CHSY3: variants seen among roughly 807,000 people sequenced by gnomAD.
CHSY3 encodes N-acetylgalactosaminyl-proteoglycan 3-beta-glucuronosyltransferase 3.
CHSY3 carries 35 observed loss-of-function variants against 67.2 expected under a neutral mutation model. The observed-to-expected ratio is 0.52, with a 90% confidence interval of 0.40 to 0.69. The LOEUF (loss-of-function observed/expected upper bound fraction) is 0.69, where lower values mean the gene tolerates loss of function less well. CHSY3 is among the 30% of genes least tolerant of loss of function. The probability of loss-of-function intolerance (pLI) is 0.00; values close to 1 mark genes in which losing one functional copy is unlikely to be tolerated. For synonymous variants in CHSY3, 474 were observed against 434.7 expected, an observed-to-expected ratio of 1.09 and a Z score of -1.12; for missense variants, 1,069 against 1,138.5, an observed-to-expected ratio of 0.94 and a Z score of 0.88.
chr5:129,918,005 T>C (rs1161782061), intron 2 of CHSY3, among the ~76,000 whole-genome samples: 1 of 152,204 alleles, frequency 6.6e-6, no homozygotes, highest in Non-Finnish European at 1.5e-5. Context: ...TTGTTAAAAG[T>C]TAGTTTTGCT....
chr5:129,996,684 A>G (rs1230682582), intron 2 of CHSY3, among the ~76,000 whole-genome samples: 1 of 152,102 alleles, frequency 6.6e-6, no homozygotes, highest in Non-Finnish European at 1.5e-5. Context: ...GAGTGCTTCA[A>G]AGGAGATCTT....
intron 2 of CHSY3, 127 bp downstream of exon 2, chr5:129,908,487 T>C: frequency 7.2e-7 from 1 of 1,380,588 alleles, no homozygotes; most frequent in South Asian, 1.5e-5. Flanking sequence ...GTAGCAGCCC[T>C]TAAGGGATAC....
chr5:130,060,250 A>G (rs1476924669), intron 2 of CHSY3, among the ~76,000 whole-genome samples: 1 of 152,230 alleles, frequency 6.6e-6, no homozygotes, highest in African/African-American at 2.4e-5. Context: ...GGATGCAAGG[A>G]TGGTTCAACA....
intron 2 of CHSY3, among the ~76,000 whole-genome samples, chr5:130,039,637 C>G (rs902434330): frequency 6.6e-6 from 1 of 152,108 alleles, no homozygotes; most frequent in Non-Finnish European, 1.5e-5. Flanking sequence ...GTAGCTGGCA[C>G]TACATGCCAG....
intron 2 of CHSY3, among the ~76,000 whole-genome samples, chr5:130,160,271 C>A (rs978535883): frequency 6.6e-6 from 1 of 152,178 alleles, no homozygotes; most frequent in East Asian, 1.9e-4. Context: ...CCAATACTTG[C>A]CTTACTTAGA....
chr5:130,090,312 A>AT (rs1298928130), intron 2 of CHSY3, among the ~76,000 whole-genome samples: 4 of 152,170 alleles, frequency 2.6e-5, no homozygotes, highest in African/African-American at 9.7e-5. Context: ...CTTGTGAGGT[A>AT]TGGAGAGCCC....
At chr5:130,084,352 T>C (rs924143432) in intron 2 of CHSY3, among the ~76,000 whole-genome samples, 3 of 151,942 alleles carry the variant, frequency 2.0e-5, no homozygotes, top group Non-Finnish European at 4.4e-5. Flanking sequence ...ATATTTAAGG[T>C]GAAAGAAATG....
At chr5:129,943,473 A>G (rs1025734643) in intron 2 of CHSY3, among the ~76,000 whole-genome samples, 10 of 152,236 alleles carry the variant, frequency 6.6e-5, no homozygotes, top group Non-Finnish European at 1.2e-4. Context: ...TAATTTGTAA[A>G]TTAAATATGT....
In CHSY3 at chr5:130,143,780, A is replaced by ATGTGTGTATATATATATATATG. The variant is rs1181042128; in HGVS notation, c.1087-40444_1087-40443insGTATATATATATATATGTGTGT. 8.3e-5 allele frequency among the ~76,000 whole-genome samples: 5 copies of ATGTGTGTATATATATATATATG among 60,408 alleles called. 1 individual carries two copies. Among genetic ancestry groups the ATGTGTGTATATATATATATATG allele is most frequent in the African/African-American group, 4.7e-4 (5 of 10,718 alleles). 39.6% of individuals were successfully genotyped at this position (60,408 alleles called of 152,430 possible). On this transcript the variant is annotated intron_variant, in intron 2 of 2. Coordinates refer to ENST00000305031, the MANE Select transcript of CHSY3 (RefSeq NM_175856.5). ...TATGTGTGTGTGTGTATATATATAT[A>ATGTGTGTATATATATATATATG]TGTGTATATATATATATATATATAT...
At chr5:129,912,021 C>T (rs935773321) in intron 2 of CHSY3, among the ~76,000 whole-genome samples, 1 of 152,118 alleles carries the variant, frequency 6.6e-6, no homozygotes, top group Admixed American at 6.5e-5. Flanking sequence ...GCCCACTGCA[C>T]TCCAGTCTGG....
chr5:130,026,376 A>G (rs1182824436), intron 2 of CHSY3, among the ~76,000 whole-genome samples: 1 of 152,152 alleles, frequency 6.6e-6, no homozygotes, highest in East Asian at 1.9e-4. Context: ...ATAATTAAAT[A>G]CTATAGTAAA....
chr5:130,032,600 C>T (rs1580668056), intron 2 of CHSY3, among the ~76,000 whole-genome samples: 1 of 151,960 alleles, frequency 6.6e-6, no homozygotes, highest in East Asian at 1.9e-4. Context: ...TCTCACCTTC[C>T]CAGGAGTTCT....
intron 2 of CHSY3, among the ~76,000 whole-genome samples, chr5:130,171,961 T>C (rs902445526): frequency 2.0e-5 from 3 of 152,152 alleles, no homozygotes; most frequent in African/African-American, 7.2e-5. Flanking sequence ...AGCCAGAAAG[T>C]CTGAGTGTGC....
chr5:130,024,737 G>C (rs1364965417), intron 2 of CHSY3, among the ~76,000 whole-genome samples: 1 of 152,080 alleles, frequency 6.6e-6, no homozygotes, highest in African/African-American at 2.4e-5. Flanking sequence ...CATTGAAGCA[G>C]CGTTCATAAA....
chr5:130,086,931 C>A (rs1036127806), intron 2 of CHSY3, among the ~76,000 whole-genome samples: 3 of 152,116 alleles, frequency 2.0e-5, no homozygotes, highest in Admixed American at 6.6e-5. Context: ...GAATTTTAGA[C>A]CAATATCCTT....
At chr5:129,981,709 T>A in intron 2 of CHSY3, among the ~76,000 whole-genome samples, 1 of 151,980 alleles carries the variant, frequency 6.6e-6, no homozygotes, top group East Asian at 1.9e-4. Context: ...TATTTTCTTG[T>A]CTTCTTGTCT....
intron 2 of CHSY3, among the ~76,000 whole-genome samples, chr5:130,001,081 T>C (rs1045169005): frequency 2.6e-5 from 4 of 151,452 alleles, no homozygotes; most frequent in African/African-American, 7.3e-5. Context: ...GGGGATTCAC[T>C]GTCTTAGCCA....
chr5:130,178,528 A>G (rs143867666), intron 2 of CHSY3, among the ~76,000 whole-genome samples: 6,166 of 152,026 alleles, frequency 0.041, 345 homozygotes, highest in East Asian at 0.25. Context: ...CTGGGATTAC[A>G]GGCGTGAGCC....
Position 130,178,615 on chromosome 5 carries a change from A to G in CHSY3, c.1087-5614A>G, listed in dbSNP as rs377652135. 1.2e-4 allele frequency among the ~76,000 whole-genome samples: 18 copies of G among 152,036 alleles called. 1 individual carries two copies. Among genetic ancestry groups the G allele is most frequent in the Admixed American group, 6.5e-4 (10 of 15,278 alleles). Reference sequence around the variant, plus strand: ...TTCTGAAGATAGTAATTCATTATACATTTTTTTGTCTTCTTCTACCTGAAT... The same window carrying G: ...TTCTGAAGATAGTAATTCATTATACGTTTTTTTGTCTTCTTCTACCTGAAT... On this transcript the variant is annotated intron_variant, in intron 2 of 2. Transcript: ENST00000305031.
Sources: allele counts gnomAD v4.1 joint callset (sites outside exome capture counted in the v4.1 genomes callset), GRCh38; gene constraint gnomAD v4.1.1; transcripts MANE v1.5; gene names NCBI Gene and HGNC (gene_info 2026-07-23, HGNC 2026-07-21).